The following PBX1 variants were observed in gnomAD, a reference collection of about 807,000 sequenced individuals.
PBX1 encodes pre-B-cell leukemia transcription factor 1.
A neutral mutation model predicts 53.4 loss-of-function variants in PBX1; 6 were observed. The ratio of observed to expected loss-of-function variants is 0.11; its 90% CI spans 0.06 to 0.22. PBX1 has a LOEUF of 0.22. Ranked by LOEUF, PBX1 falls within the 10% of genes least tolerant of loss-of-function variation. The pLI, the probability that PBX1 is intolerant of heterozygous loss-of-function variation, is 1.00. For missense variants in PBX1, 251 were observed against 551.4 expected (o/e 0.46, Z 5.46); for synonymous variants, 204 against 212.3 (o/e 0.96, Z 0.34).
At chr1:164,561,503 A>G (rs1653042357) in intron 1 of PBX1, among the ~76,000 whole-genome samples, 1 of 152,216 alleles carries the variant, frequency 6.6e-6, no homozygotes, top group Admixed American at 6.5e-5. Context: ...GCTAATAGGT[A>G]TGGTAAGAGG....
chr1:164,812,903 G>A (rs1669689086), intron 6 of PBX1: 1 of 152,114 alleles, frequency 6.6e-6, no homozygotes, highest in South Asian at 2.1e-4. Flanking sequence ...TGTATGCTAT[G>A]GAAGGCATGT....
At chr1:164,784,702 G>T (rs995066834) in intron 2 of PBX1, among the ~76,000 whole-genome samples, 1 of 152,168 alleles carries the variant, frequency 6.6e-6, no homozygotes, top group African/African-American at 2.4e-5. Context: ...CTCCTCGCAG[G>T]ACCACGTTTA....
intron 2 of PBX1, among the ~76,000 whole-genome samples, chr1:164,630,431 T>A (rs1296656127): frequency 1.3e-5 from 2 of 152,190 alleles, no homozygotes; most frequent in Admixed American, 1.3e-4. Context: ...GTGGTTATGC[T>A]GTTTTCATAT....
chr1:164,814,274 A>G (rs957819054), intron 6 of PBX1: 2 of 152,244 alleles, frequency 1.3e-5, no homozygotes, highest in Non-Finnish European at 2.9e-5. Context: ...ATTTGGAAAG[A>G]TAAATGATAA....
chr1:164,594,129 C>A (rs546753339), intron 2 of PBX1, among the ~76,000 whole-genome samples: 1 of 151,974 alleles, frequency 6.6e-6, no homozygotes, highest in Non-Finnish European at 1.5e-5. Flanking sequence ...TGGCATTATC[C>A]CCATTTTAGA....
At chr1:164,855,956 C>A (rs1476234670), downstream of PBX1, among the ~76,000 whole-genome samples, 1 of 152,202 alleles carries the variant, frequency 6.6e-6, no homozygotes, top group African/African-American at 2.4e-5. Context: ...CCTTGGTATT[C>A]ATATACATAT....
downstream of PBX1, among the ~76,000 whole-genome samples, chr1:164,854,675 G>A (rs1244248428): frequency 6.6e-6 from 1 of 152,048 alleles, no homozygotes; most frequent in African/African-American, 2.4e-5. Flanking sequence ...CCTTGGGCAT[G>A]GTAGAGGTGA....
chr1:164,811,132 T>A (rs749293059), intron 5 of PBX1, among the ~76,000 whole-genome samples: 1 of 152,136 alleles, frequency 6.6e-6, no homozygotes, highest in Non-Finnish European at 1.5e-5. Flanking sequence ...TTCAAAATCA[T>A]ATCTGGAATG....
At chr1:164,567,978 C>T (rs913551264) in intron 2 of PBX1, among the ~76,000 whole-genome samples, 8 of 152,076 alleles carry the variant, frequency 5.3e-5, no homozygotes, top group Non-Finnish European at 8.8e-5. Flanking sequence ...CAGTAGGCTG[C>T]ACTGTTGGCT....
intron 2 of PBX1, among the ~76,000 whole-genome samples, chr1:164,572,279 C>T (rs1653935154): frequency 6.6e-6 from 1 of 152,044 alleles, no homozygotes; most frequent in South Asian, 2.1e-4. Context: ...CTTCAGCACT[C>T]TCAGCTTTTC....
chr1:164,846,314 G>A (rs563031323), intron 8 of PBX1, among the ~76,000 whole-genome samples: 1 of 152,216 alleles, frequency 6.6e-6, no homozygotes, highest in African/African-American at 2.4e-5. Flanking sequence ...CTGCTGGCTG[G>A]GACTTAATTA....
At chr1:164,560,383 G>A (rs1404628619) in intron 1 of PBX1, 1 of 395,970 alleles carries the variant, frequency 2.5e-6, no homozygotes, top group Non-Finnish European at 4.4e-6. Context: ...GTCAAGTTTT[G>A]AACAGCATTC....
intron 4 of PBX1, among the ~76,000 whole-genome samples, chr1:164,803,661 T>C (rs1289719270): frequency 6.6e-5 from 10 of 152,222 alleles, no homozygotes; most frequent in Non-Finnish European, 1.3e-4. Flanking sequence ...GTTCAGAGCA[T>C]GTGTAGGATT....
chr1:164,847,048 A>G lies in PBX1; in HGVS notation c.*372A>G. The G allele has an allele frequency of 6.2e-6, 7 of 1,120,268 alleles. No individual in the cohort carries two copies. Among genetic ancestry groups the G allele is most frequent in the Non-Finnish European group, 7.7e-6 (7 of 911,722 alleles). 69.4% of individuals were successfully genotyped at this position (1,120,268 alleles called of 1,614,324 possible). On this transcript the variant is annotated 3_prime_UTR_variant, in exon 9 of 9. Coordinates refer to ENST00000420696, the MANE Select transcript of PBX1 (RefSeq NM_002585.4). Reference sequence around the variant, plus strand: ...AAAGAGGAAAAAAATTACAAAGAAAATAATAAAAGTGTTTGTACGTTTTCA... The same window carrying G: ...AAAGAGGAAAAAAATTACAAAGAAAGTAATAAAAGTGTTTGTACGTTTTCA...
chr1:164,843,326 C>T (rs1421835960), intron 8 of PBX1, among the ~76,000 whole-genome samples: 2 of 152,122 alleles, frequency 1.3e-5, no homozygotes, highest in Admixed American at 6.5e-5. Context: ...TAACTTAAAC[C>T]CTATAGGCTA....
At chr1:164,729,149 C>A (rs1234917928) in intron 2 of PBX1, among the ~76,000 whole-genome samples, 2 of 152,182 alleles carry the variant, frequency 1.3e-5, no homozygotes, top group Non-Finnish European at 2.9e-5. Context: ...GGTAACTAAC[C>A]TCAGAGGTTT....
intron 2 of PBX1, among the ~76,000 whole-genome samples, chr1:164,743,319 T>G (rs964544392): frequency 2.0e-5 from 3 of 152,154 alleles, no homozygotes; most frequent in Admixed American, 2.0e-4. Context: ...AATTGTGTGT[T>G]TTTTAAATTT....
At chr1:164,642,381 A>G (rs1420446076) in intron 2 of PBX1, among the ~76,000 whole-genome samples, 3 of 152,200 alleles carry the variant, frequency 2.0e-5, no homozygotes, top group Non-Finnish European at 4.4e-5. Context: ...TCTCACCAAC[A>G]TGATTTCTCC....
intron 2 of PBX1, among the ~76,000 whole-genome samples, chr1:164,868,456 T>A (rs1015623415): frequency 3.3e-5 from 5 of 152,160 alleles, no homozygotes; most frequent in African/African-American, 1.2e-4. Flanking sequence ...ACAGGGACCC[T>A]ACATGGAGTA....
Sources: allele counts gnomAD v4.1 joint callset (sites outside exome capture counted in the v4.1 genomes callset), GRCh38; gene constraint gnomAD v4.1.1; transcripts MANE v1.5; gene names NCBI Gene and HGNC (gene_info 2026-07-23, HGNC 2026-07-21).